The following PHLPP1 variants were observed in gnomAD, a reference collection of about 807,000 sequenced individuals.
The protein encoded by PHLPP1 is PH domain and leucine rich repeat protein phosphatase 1, also known as PH domain leucine-rich repeat-containing protein phosphatase 1.
In PHLPP1, 42 loss-of-function variants were observed where a neutral mutation model predicts 117.2. The ratio of observed to expected loss-of-function variants is 0.36; its 90% confidence interval spans 0.28 to 0.46. PHLPP1 has a LOEUF of 0.46. Ranked by LOEUF, PHLPP1 falls within the 20% of genes least tolerant of loss-of-function variation. The pLI is 1.00. For synonymous variants in PHLPP1, 1,042 were observed against 970.7 expected (o/e 1.07, Z -1.37); for missense variants, 2,084 against 2,241.9 (o/e 0.93, Z 1.42).
At chr18:62,744,511 A>G (rs2122078056) in intron 1 of PHLPP1, among the ~76,000 whole-genome samples, 1 of 152,356 alleles carries the variant, frequency 6.6e-6, no homozygotes, top group East Asian at 1.9e-4. Flanking sequence ...GACTCCATGC[A>G]TTGCATGAAT....
chr18:62,802,006 G>T (rs9962952), intron 1 of PHLPP1, among the ~76,000 whole-genome samples: 16,832 of 141,788 alleles, frequency 0.12, 2,967 homozygotes, highest in African/African-American at 0.39. Flanking sequence ...TTTTTTAACC[G>T]TTTTTTCCTT....
At chr18:62,752,897 G>A (rs910318989) in intron 1 of PHLPP1, among the ~76,000 whole-genome samples, 1 of 152,172 alleles carries the variant, frequency 6.6e-6, no homozygotes. Flanking sequence ...AAAATCTTCA[G>A]TAGACAATAA....
intron 14 of PHLPP1, 51 bp downstream of exon 14, chr18:62,963,523 C>G (rs1910824097): frequency 1.7e-6 from 2 of 1,156,864 alleles, no homozygotes; most frequent in Non-Finnish European, 2.5e-6. Context: ...CTGTCTCACT[C>G]CTTTAGTTGG....
chr18:62,894,633 C>T (rs768171726), intron 4 of PHLPP1, among the ~76,000 whole-genome samples: 4 of 152,126 alleles, frequency 2.6e-5, no homozygotes, highest in South Asian at 4.1e-4. Flanking sequence ...GAAACAGCAC[C>T]GACTCCAGAA....
At chr18:62,867,187 C>T (rs1459694226) in intron 4 of PHLPP1, among the ~76,000 whole-genome samples, 3 of 152,180 alleles carry the variant, frequency 2.0e-5, no homozygotes, top group African/African-American at 7.2e-5. Flanking sequence ...GCTCCCTAGA[C>T]AACCCTTTTG....
Position 62,736,765 on chromosome 18 carries a change from C to T in PHLPP1, c.1576+19506C>T, listed in dbSNP as rs141948693. Among the ~76,000 whole-genome samples, 317 of 152,298 alleles carry T rather than the reference C, an allele frequency of 2.1e-3. 3 individuals carry two copies. Among genetic ancestry groups the T allele is most frequent in the African/African-American group, 7.3e-3 (302 of 41,556 alleles). ...TTAGTTGGTAAATGGGCCTGGCTCA[C>T]CACCCAGCTTCCAAATTTCAGTGGA... On this transcript the variant is annotated intron_variant, in intron 1 of 16. Coordinates refer to ENST00000262719, the MANE Select transcript of PHLPP1 (RefSeq NM_194449.4).
intron 1 of PHLPP1, among the ~76,000 whole-genome samples, chr18:62,808,110 A>G (rs183862737): frequency 1.3e-5 from 2 of 152,228 alleles, no homozygotes; most frequent in East Asian, 3.9e-4. Context: ...TGGAGCTTGG[A>G]TTGGGTCTGG....
chr18:62,949,207 G>A (rs80322602), intron 12 of PHLPP1, among the ~76,000 whole-genome samples: 7,159 of 152,222 alleles, frequency 0.047, 210 homozygotes, highest in Middle Eastern at 0.11. Flanking sequence ...TAAGATCATG[G>A]TGTATTTAAC....
intron 1 of PHLPP1, among the ~76,000 whole-genome samples, chr18:62,816,967 G>C (rs971576198): frequency 1.3e-5 from 2 of 152,074 alleles, no homozygotes; most frequent in Non-Finnish European, 2.9e-5. Flanking sequence ...GTAGAGACAG[G>C]GTCTTGCTCT....
At chr18:62,799,398 C>G (rs1382464595) in intron 1 of PHLPP1, among the ~76,000 whole-genome samples, 2 of 152,140 alleles carry the variant, frequency 1.3e-5, no homozygotes, top group African/African-American at 2.4e-5. Flanking sequence ...ATTCCCTGTT[C>G]AGAAGCATTA....
intron 1 of PHLPP1, among the ~76,000 whole-genome samples, chr18:62,800,446 A>G (rs1334902431): frequency 1.3e-5 from 2 of 152,182 alleles, no homozygotes; most frequent in Non-Finnish European, 2.9e-5. Flanking sequence ...CTGGCTCTAT[A>G]GTTAATATTA....
chr18:62,876,839 A>G (rs887123426), intron 4 of PHLPP1, among the ~76,000 whole-genome samples: 2 of 152,208 alleles, frequency 1.3e-5, no homozygotes, highest in African/African-American at 4.8e-5. Flanking sequence ...ATAAGTAAAG[A>G]TGACTTGGGT....
chr18:62,820,833 G>A lies in PHLPP1; in HGVS notation c.1577-9202G>A, dbSNP rs539995018. On this transcript the variant is annotated intron_variant, in intron 1 of 16. Coordinates refer to ENST00000262719, the MANE Select transcript of PHLPP1 (RefSeq NM_194449.4). The stretch of plus-strand genomic sequence containing the variant: ...TTACACTATAAAACAAGTATAGTAA[G>A]TTTATTTTGTTTTTAATTCAGCACT... Among the ~76,000 whole-genome samples, 21 of 152,260 alleles carry A rather than the reference G, an allele frequency of 1.4e-4. No individual in the cohort carries two copies. The South Asian group carries it at 2.9e-3, about 21-fold the overall frequency.
chr18:62,715,689 G>A lies in PHLPP1; in HGVS notation c.6G>A (p.Glu2=), dbSNP rs1487778259. The change falls in exon 1 of 17, where the codon GAG becomes GAA. Residue 2 remains glutamate, a synonymous_variant. Transcript: ENST00000262719. ...AAACGCGAAGCCCCACTGCAATGGA[G>A]CCCGCCGCCGCGGCCACGGTACAGC... M[E]PAAAATVQRL... The A allele has an allele frequency of 3.1e-6, 4 of 1,283,716 alleles. No individual in the cohort carries two copies. The highest frequency in any genetic ancestry group is 3.9e-6 in the Non-Finnish European group (4 of 1,012,808). 79.5% of individuals were successfully genotyped at this position (1,283,716 alleles called of 1,614,324 possible).
intron 4 of PHLPP1, among the ~76,000 whole-genome samples, chr18:62,881,660 C>A (rs576197477): frequency 6.6e-6 from 1 of 152,292 alleles, no homozygotes; most frequent in South Asian, 2.1e-4. Flanking sequence ...CATTAGCATC[C>A]GTGCACTGCT....
chr18:62,958,436 A>AT (rs1331043959), intron 12 of PHLPP1, among the ~76,000 whole-genome samples, 193 bp from the exon 13 acceptor site: 3 of 152,230 alleles, frequency 2.0e-5, no homozygotes, highest in African/African-American at 4.8e-5. Flanking sequence ...AAATTAAAAA[A>AT]TTTTTTTTGC....
At position 62,979,242 on chromosome 18, in the gene PHLPP1, G is replaced by A. The variant is rs766688555; in HGVS notation, c.4965G>A (p.Pro1655=). 1.3e-5 allele frequency: 20 copies of A among 1,593,602 alleles called. No homozygotes were observed. Among genetic ancestry groups the A allele is most frequent in the South Asian group, 7.9e-5 (7 of 88,156 alleles). The change falls in exon 17 of 17, where the codon CCG becomes CCA. Residue 1655 remains proline, a synonymous_variant. Transcript: ENST00000262719. ...LRKPGGYFAA[P]AQPDPDDQFI... ...AGCCTGGAGGCTATTTTGCTGCCCCGGCTCAGCCGGATCCTGATGATCAGT... is the reference window on the plus strand; with the variant it reads ...AGCCTGGAGGCTATTTTGCTGCCCCAGCTCAGCCGGATCCTGATGATCAGT...
At chr18:62,913,649 C>T (rs1917017795) in intron 8 of PHLPP1, among the ~76,000 whole-genome samples, 1 of 151,046 alleles carries the variant, frequency 6.6e-6, no homozygotes, top group Non-Finnish European at 1.5e-5. Context: ...ACCAGTGTGA[C>T]TAGGGACACA....
chr18:62,951,863 C>T (rs919842046), intron 12 of PHLPP1, among the ~76,000 whole-genome samples: 2 of 143,982 alleles, frequency 1.4e-5, no homozygotes, highest in Non-Finnish European at 3.0e-5. Flanking sequence ...CGCCCAGGCT[C>T]GAGTGCAATG....
Sources: gnomAD v4.1 joint callset for allele counts (sites outside exome capture counted in the v4.1 genomes callset) on GRCh38, gnomAD v4.1.1 for gene constraint, MANE v1.5 for transcripts, NCBI Gene and HGNC (gene_info 2026-07-23, HGNC 2026-07-21) for gene names.